Variants in ZNF536 observed in about 807,000 individuals in gnomAD.
The protein encoded by ZNF536 is zinc finger protein 536.
ZNF536 carries 13 observed loss-of-function variants against 84.5 expected under a neutral mutation model. The observed-to-expected ratio is 0.15, with a 90% CI of 0.10 to 0.24. ZNF536 has a LOEUF of 0.24. Ranked by LOEUF, ZNF536 falls within the 10% of genes least tolerant of loss-of-function variation. The pLI, the probability that ZNF536 is intolerant of heterozygous loss-of-function variation, is 1.00. For missense variants in ZNF536, 1,536 were observed against 1,747.5 expected (o/e 0.88, Z 2.16); for synonymous variants, 811 against 742.5 (o/e 1.09, Z -1.50).
intron 1 of ZNF536, among the ~76,000 whole-genome samples, chr19:30,705,095 G>A (rs576438606): frequency 6.6e-6 from 1 of 152,254 alleles, no homozygotes; most frequent in Admixed American, 6.5e-5. Flanking sequence ...ACAGTACTGT[G>A]CATAGCAACA....
At chr19:30,706,654 T>C (rs1285627254) in intron 1 of ZNF536, among the ~76,000 whole-genome samples, 1 of 152,206 alleles carries the variant, frequency 6.6e-6, no homozygotes, top group Non-Finnish European at 1.5e-5. Context: ...TGGATCATGG[T>C]ACCAAGGGTT....
chr19:30,261,081 G>A (rs1373452991), intron 1 of ZNF536, among the ~76,000 whole-genome samples: 1 of 151,814 alleles, frequency 6.6e-6, no homozygotes, highest in African/African-American at 2.4e-5. Flanking sequence ...GGCGGATCAC[G>A]AGGTCAGGAG....
At chr19:30,231,203 C>T (rs796117221) in intron 1 of ZNF536, among the ~76,000 whole-genome samples, 7 of 152,306 alleles carry the variant, frequency 4.6e-5, no homozygotes, top group African/African-American at 1.7e-4. Flanking sequence ...AACATTTGTC[C>T]ATATGAAGGA....
chr19:30,302,945 ACT>A (rs1339094345), intron 2 of ZNF536, among the ~76,000 whole-genome samples: 1 of 151,672 alleles, frequency 6.6e-6, no homozygotes. Flanking sequence ...TGAACTATAA[ACT>A]CTCTGGTGGC....
intron 2 of ZNF536, among the ~76,000 whole-genome samples, chr19:30,335,782 A>G (rs1282886984): frequency 6.6e-6 from 1 of 151,908 alleles, no homozygotes; most frequent in Non-Finnish European, 1.5e-5. Flanking sequence ...AACTATTTCT[A>G]CTTGTTCATG....
intron 1 of ZNF536, among the ~76,000 whole-genome samples, chr19:30,706,481 G>A (rs1286027573): frequency 6.8e-6 from 1 of 146,664 alleles, no homozygotes; most frequent in Non-Finnish European, 1.5e-5. Context: ...GTGAAACTCT[G>A]TCTCAAAAAA....
chr19:30,333,454 T>A (rs756690342), intron 2 of ZNF536, among the ~76,000 whole-genome samples: 11 of 152,176 alleles, frequency 7.2e-5, no homozygotes, highest in Non-Finnish European at 1.3e-4. Flanking sequence ...TGGGTTGTGG[T>A]TTCTGAGAGC....
intron 1 of ZNF536, among the ~76,000 whole-genome samples, chr19:30,609,775 C>CATCCATCA (rs1338715740): frequency 8.7e-5 from 13 of 150,110 alleles, no homozygotes; most frequent in Non-Finnish European, 4.5e-5. Context: ...CCCATCTACC[C>CATCCATCA]ATCCATCCAT....
At chr19:30,321,701 C>T (rs984063381) in intron 2 of ZNF536, among the ~76,000 whole-genome samples, 6 of 151,120 alleles carry the variant, frequency 4.0e-5, no homozygotes, top group African/African-American at 1.2e-4. Context: ...ACTTCCTTTT[C>T]ATCTTCCTCT....
At chr19:30,564,157 G>A (rs1379402626) in intron 1 of ZNF536, among the ~76,000 whole-genome samples, 1 of 152,122 alleles carries the variant, frequency 6.6e-6, no homozygotes, top group African/African-American at 2.4e-5. Flanking sequence ...AAGAGAACCT[G>A]GAGACCTGGG....
rs138331300 is a variant in ZNF536 at position 30,598,917 on chromosome 19, C to T, written c.169+49403C>T. On this transcript the variant is annotated intron_variant, in intron 1 of 1. Transcript: ENST00000592773. ...CCTTGTGTGCCTGCCTCTCTCACTC[C>T]TTCTTCCCTTTCTCCCTCCCTCCCT... Among the ~76,000 whole-genome samples, 728 of 150,478 alleles carry T rather than the reference C, an allele frequency of 4.8e-3. 7 individuals are homozygous for T. Among genetic ancestry groups the T allele is most frequent in the African/African-American group, 0.017 (698 of 40,882 alleles).
At chr19:30,365,040 C>A (rs2048383146) in intron 3 of ZNF536, among the ~76,000 whole-genome samples, 1 of 152,230 alleles carries the variant, frequency 6.6e-6, no homozygotes, top group Non-Finnish European at 1.5e-5. Flanking sequence ...AGGGTCAAGA[C>A]CCGTGGCTTT....
At chr19:30,637,011 A>C (rs2049092764) in intron 1 of ZNF536, among the ~76,000 whole-genome samples, 1 of 152,134 alleles carries the variant, frequency 6.6e-6, no homozygotes, top group Admixed American at 6.5e-5. Flanking sequence ...TCTGTCACCT[A>C]CAGTTTGGGC....
chr19:30,628,383 A>G (rs2048764125), intron 1 of ZNF536, among the ~76,000 whole-genome samples: 2 of 151,950 alleles, frequency 1.3e-5, no homozygotes, highest in Middle Eastern at 3.5e-3. Context: ...AGGAGGACAG[A>G]AAACATAGCA....
At chr19:30,340,069 C>A (rs1035259222) in intron 2 of ZNF536, among the ~76,000 whole-genome samples, 2 of 152,184 alleles carry the variant, frequency 1.3e-5, no homozygotes, top group Non-Finnish European at 2.9e-5. Context: ...CCCCTCTTCC[C>A]GCCCGTCCCA....
chr19:30,563,308 G>A (rs562985279), intron 1 of ZNF536, among the ~76,000 whole-genome samples: 3 of 152,136 alleles, frequency 2.0e-5, no homozygotes, highest in African/African-American at 7.2e-5. Flanking sequence ...GTCTGTTGGG[G>A]AACCTATATG....
upstream of ZNF536, among the ~76,000 whole-genome samples, chr19:30,226,957 C>T (rs2022647712): frequency 6.6e-6 from 1 of 150,544 alleles, no homozygotes; most frequent in African/African-American, 2.5e-5. The surrounding 1 kb of genome is among the most constrained non-coding windows in gnomAD (Gnocchi z 4.6). Flanking sequence ...GGAAAACAGT[C>T]GTAGGCGAGA....
At chr19:30,667,625 C>CTTTTTTTTTTTTTTTTT (rs57656065) in intron 1 of ZNF536, among the ~76,000 whole-genome samples, 1 of 124,008 alleles carries the variant, frequency 8.1e-6, no homozygotes, top group East Asian at 2.5e-4. Flanking sequence ...TTTTTTCTAG[C>CTTTTTTTTTTTTTTTTT]TTTTTTTTTT....
chr19:30,386,479 G>A (rs2049347176), intron 1 of ZNF536, among the ~76,000 whole-genome samples: 1 of 152,162 alleles, frequency 6.6e-6, no homozygotes, highest in Non-Finnish European at 1.5e-5. Flanking sequence ...CTGGGCTCAG[G>A]TGATCCTCCT....
Sources: allele counts gnomAD v4.1 joint callset (sites outside exome capture counted in the v4.1 genomes callset), GRCh38; gene constraint gnomAD v4.1.1; non-coding constraint Gnocchi (gnomAD v3.1); transcripts MANE v1.5; gene names NCBI Gene and HGNC (gene_info 2026-07-23, HGNC 2026-07-21).